The following SUPT16H variants were observed in gnomAD, a reference collection of about 807,000 sequenced individuals.
The protein encoded by SUPT16H is FACT complex subunit SPT16.
In SUPT16H, 24 loss-of-function variants were observed where a neutral mutation model predicts 136.2. The observed-to-expected ratio is 0.18, with a 90% CI of 0.13 to 0.25. SUPT16H has a LOEUF of 0.25. Among genes scored for constraint, SUPT16H ranks in the 10% least tolerant of loss-of-function variants. SUPT16H has a pLI of 1.00. For synonymous variants in SUPT16H, 415 were observed against 428.2 expected (o/e 0.97, Z 0.38); for missense variants, 623 against 1,270.2 (o/e 0.49, Z 7.74).
chr14:21,355,536 A>G (rs914994654), intron 22 of SUPT16H, among the ~76,000 whole-genome samples: 2,511 of 135,652 alleles, frequency 0.019, 33 homozygotes, highest in Non-Finnish European at 0.029. Context: ...AAAAAAAAAA[A>G]GAAAGAAACA....
chr14:21,381,094 T>C (rs1487774772), intron 1 of SUPT16H, among the ~76,000 whole-genome samples: 1 of 152,000 alleles, frequency 6.6e-6, no homozygotes, highest in Non-Finnish European at 1.5e-5. Context: ...GGATCTAGAC[T>C]CAAACCTCCA....
Position 21,361,207 on chromosome 14 carries a change from G to A in SUPT16H, c.1800C>T (p.Tyr600=), listed in dbSNP as rs779848813. The A allele has an allele frequency of 1.2e-6, 2 of 1,613,460 alleles. No homozygotes were observed. Among genetic ancestry groups the A allele is most frequent in the South Asian group, 2.2e-5 (2 of 91,052 alleles). ...CGGGTGCCTTAATATTTGATGCTCG[G>A]TATGTACTGCAGAAAAGCAACAGCA... ...PEATFVKEIT[Y]RASNIKAPGE... Residue 600 remains tyrosine (Y), a synonymous_variant, in exon 16 of 26, where the codon TAC becomes TAT. Transcript: ENST00000216297.
In SUPT16H at chr14:21,354,516, T is replaced by C. The variant is rs141833524; in HGVS notation, c.2685A>G (p.Glu895=). Residue 895 remains glutamate, a synonymous_variant, in exon 23 of 26, where the codon GAA becomes GAG. Coordinates refer to ENST00000216297, the MANE Select transcript of SUPT16H (RefSeq NM_007192.4). ...WLNSCDLKYT[E]GVQSLNWTKI... ...TAGTCCAGTTGAGGGACTGTACTCCTTCTGTGTATTTCAGGTCGCAGGAAC... is the reference window on the plus strand; with the variant it reads ...TAGTCCAGTTGAGGGACTGTACTCCCTCTGTGTATTTCAGGTCGCAGGAAC... 1.1e-4 allele frequency: 183 copies of C among 1,614,132 alleles called. No homozygotes were observed. Among genetic ancestry groups the C allele is most frequent in the Non-Finnish European group, 1.5e-4 (174 of 1,179,988 alleles).
intron 1 of SUPT16H, 108 bp downstream of exon 1, chr14:21,383,754 C>T: frequency 7.6e-7 from 1 of 1,324,440 alleles, no homozygotes; most frequent in South Asian, 1.2e-5. Flanking sequence ...GGGTGAGGCA[C>T]AGAACCCGGG....
intron 20 of SUPT16H, 48 bp downstream of exon 20, chr14:21,358,267 C>G: frequency 8.6e-7 from 1 of 1,169,026 alleles, no homozygotes; most frequent in Non-Finnish European, 1.2e-6. Flanking sequence ...ATTTATTGTA[C>G]CAAAAGACAG....
At chr14:21,360,679 T>A in intron 17 of SUPT16H, 146 bp from the exon 18 acceptor site, 1 of 1,234,462 alleles carries the variant, frequency 8.1e-7, no homozygotes, top group Non-Finnish European at 1.1e-6. Flanking sequence ...CACAGCAGTG[T>A]AAGTAGATTC....
chr14:21,377,511 A>G (rs1164128348), intron 1 of SUPT16H, among the ~76,000 whole-genome samples: 1 of 152,232 alleles, frequency 6.6e-6, no homozygotes, highest in African/African-American at 2.4e-5. Flanking sequence ...ATTATTAACC[A>G]AAAGTGAGGG....
Position 21,363,317 on chromosome 14 carries a change from C to T in SUPT16H, c.1311G>A (p.Glu437=), listed in dbSNP as rs1334905691. 3.1e-6 allele frequency: 5 copies of T among 1,608,770 alleles called. No homozygotes were observed. The highest frequency in any genetic ancestry group is 4.2e-6 in the Non-Finnish European group (5 of 1,176,904). Residue 437 remains glutamate (E), a synonymous_variant, in exon 12 of 26, where the codon GAG becomes GAA. Transcript: ENST00000216297. ...NVGIFLKNED[E]EEEEEEKDEA... Reference sequence around the variant, plus strand: ...CATCTTTCTCCTCCTCCTCTTCTTCCTCATCTTCATTCTATGGAAAAAGTC... The same window carrying T: ...CATCTTTCTCCTCCTCCTCTTCTTCTTCATCTTCATTCTATGGAAAAAGTC...
In SUPT16H at chr14:21,359,583, C is replaced by T. The variant is rs1886507304; in HGVS notation, c.2202G>A (p.Arg734=). Residue 734 remains arginine, a synonymous_variant, in exon 19 of 26, where the codon CGG becomes CGA. Transcript: ENST00000216297. ...LKNAIMFGKK[R]HTDVQFYTEV... ...CTGTGTAGAACTGCACATCCGTGTG[C>T]CGCTTCTTCCCAAACATGATGGCAT... 1.9e-6 allele frequency: 3 copies of T among 1,613,772 alleles called. No individual in the cohort carries two copies. Among genetic ancestry groups the T allele is most frequent in the Non-Finnish European group, 2.5e-6 (3 of 1,179,914 alleles).
At chr14:21,380,226 A>G (rs1046948654) in intron 1 of SUPT16H, among the ~76,000 whole-genome samples, 9 of 151,450 alleles carry the variant, frequency 5.9e-5, no homozygotes, top group Non-Finnish European at 8.8e-5. Context: ...CAGAGACTTG[A>G]GCATCCTTTG....
intron 1 of SUPT16H, among the ~76,000 whole-genome samples, chr14:21,376,625 A>G (rs1886907402): frequency 6.6e-6 from 1 of 152,154 alleles, no homozygotes. Flanking sequence ...TGAAATAGTA[A>G]TGGCACTTAA....
Position 21,364,958 on chromosome 14 carries a change from G to C in SUPT16H, c.1121-19C>G. ...ACCATTCCTAAAACAGCAAAACAAGGATCAGTCTGTGGCTGTGACAATGTG... is the reference window on the plus strand; with the variant it reads ...ACCATTCCTAAAACAGCAAAACAAGCATCAGTCTGTGGCTGTGACAATGTG... On this transcript the variant is annotated intron_variant, in intron 9 of 25. Transcript: ENST00000216297. 2 of 1,612,618 alleles carry C rather than the reference G, an allele frequency of 1.2e-6. No individual in the cohort carries two copies. The highest frequency in any genetic ancestry group is 8.5e-7 in the Non-Finnish European group (1 of 1,178,686).
chr14:21,380,296 A>ATTTTTTTTTTTT (rs60588939), intron 1 of SUPT16H, among the ~76,000 whole-genome samples: 18,726 of 111,532 alleles, frequency 0.17, 2,635 homozygotes, highest in Non-Finnish European at 0.21. Flanking sequence ...GGAAGACTGA[A>ATTTTTTTTTTTT]TTTTTTTTTT....
chr14:21,363,139 G>A lies in SUPT16H; in HGVS notation c.1406C>T (p.Thr469Ile). The change falls in exon 13 of 26, where the codon ACT becomes ATT. Residue 469 changes from threonine (T) to isoleucine (I), a missense_variant. Physicochemically the swap from Thr to Ile is moderately conservative, Grantham distance 89. Coordinates refer to ENST00000216297, the MANE Select transcript of SUPT16H (RefSeq NM_007192.4). ...ATGTGCTCTTCGCTTCTCTTCTGCA[G>A]TCATTTCATTCTGGTGAATGGAAAA... ...LLTERTRNEM[T>I]AEEKRRAHQK... The A allele has an allele frequency of 1.2e-6, 2 of 1,613,848 alleles. No homozygotes were observed. Among genetic ancestry groups the A allele is most frequent in the Non-Finnish European group, 8.5e-7 (1 of 1,180,040 alleles).
chr14:21,367,693 G>C (rs1332610540), intron 7 of SUPT16H, among the ~76,000 whole-genome samples: 1 of 152,154 alleles, frequency 6.6e-6, no homozygotes, highest in African/African-American at 2.4e-5. Flanking sequence ...TAGTAATAAG[G>C]CCAAGGTATT....
At chr14:21,361,036 T>C (rs1397225307) in intron 16 of SUPT16H, 42 bp downstream of exon 16, 2 of 1,610,876 alleles carry the variant, frequency 1.2e-6, no homozygotes, top group East Asian at 2.2e-5. Context: ...AAAATACATG[T>C]CCTTCTTTGT....
intron 1 of SUPT16H, among the ~76,000 whole-genome samples, chr14:21,377,801 T>G (rs1053606262): frequency 6.6e-6 from 1 of 152,166 alleles, no homozygotes; most frequent in Non-Finnish European, 1.5e-5. Context: ...TTTCTGTATT[T>G]TTAGTAGAGA....
intron 1 of SUPT16H, among the ~76,000 whole-genome samples, chr14:21,377,076 G>GAAAA (rs11323425): frequency 3.0e-4 from 33 of 110,756 alleles, no homozygotes; most frequent in Middle Eastern, 5.1e-3. Flanking sequence ...GAAAGAAAAA[G>GAAAA]AAAAAAAAAA....
At chr14:21,361,793 T>G (rs776956962) in intron 15 of SUPT16H, among the ~76,000 whole-genome samples, 15 of 152,024 alleles carry the variant, frequency 9.9e-5, no homozygotes, top group Non-Finnish European at 2.2e-4. Flanking sequence ...TGAGACAAGG[T>G]CTCGTTCTGT....
Sources: gnomAD v4.1 joint callset for allele counts (sites outside exome capture counted in the v4.1 genomes callset) on GRCh38, gnomAD v4.1.1 for gene constraint, MANE v1.5 for transcripts, NCBI Gene and HGNC (gene_info 2026-07-23, HGNC 2026-07-21) for gene names.